FSTL1: variants seen among roughly 807,000 people sequenced by gnomAD.
FSTL1 encodes the protein follistatin-related protein 1.
A neutral mutation model predicts 45.9 loss-of-function variants in FSTL1; 24 were observed. That is an observed-to-expected ratio of 0.52 (90% CI 0.38 to 0.74). The LOEUF is 0.74. FSTL1 is among the 30% of genes least tolerant of loss of function. FSTL1 has a pLI of 0.00. For synonymous variants in FSTL1, 120 were observed against 137.6 expected (o/e 0.87, Z 0.89); for missense variants, 340 against 381.8 (o/e 0.89, Z 0.91).
At chr3:120,423,614 G>A (rs186395475) in intron 2 of FSTL1, 1 of 152,082 alleles carries the variant, frequency 6.6e-6, no homozygotes, top group Non-Finnish European at 1.5e-5. Context: ...ACTTGAGAGA[G>A]GTGCTTCTGT....
chr3:120,399,973 CA>C lies in FSTL1; in HGVS notation c.806-15del. 6.3e-7 allele frequency: 1 copy of C among 1,584,772 alleles called. No homozygotes were observed. The highest frequency in any genetic ancestry group is 1.7e-5 in the Admixed American group (1 of 58,450). On this transcript the variant is annotated splice_polypyrimidine_tract_variant and intron_variant, in intron 9 of 10. Coordinates refer to ENST00000295633, the MANE Select transcript of FSTL1 (RefSeq NM_007085.5). Reference sequence around the variant, plus strand: ...TCTGATTCTTTCCTGCAAGAAGAACCAAAGCTCAGAGCAGTAGCAGCTGTGG... The same window carrying C: ...TCTGATTCTTTCCTGCAAGAAGAACCAAGCTCAGAGCAGTAGCAGCTGTGG...
rs143523335 is a variant in FSTL1 at position 120,429,596 on chromosome 3, C to G, written c.64-13569G>C. ...TCCATAAATTTTGGGACTGGATTTT[C>G]AAGGGGGCATGAATTTTTCAATACT... is the stretch of plus-strand genomic sequence containing the variant. On this transcript the variant is annotated intron_variant, in intron 2 of 10. Transcript: ENST00000295633. Among the ~76,000 whole-genome samples, 617 of 152,262 alleles carry G rather than the reference C, an allele frequency of 4.1e-3. 4 individuals are homozygous for G. The highest frequency in any genetic ancestry group is 0.014 in the African/African-American group (582 of 41,546).
chr3:120,401,078 G>C (rs150818073), intron 9 of FSTL1, among the ~76,000 whole-genome samples: 1 of 152,342 alleles, frequency 6.6e-6, no homozygotes, highest in East Asian at 1.9e-4. Flanking sequence ...CTGCACCTTA[G>C]AAATGGAGGG....
At position 120,394,811 on chromosome 3, in the gene FSTL1, A is replaced by G. The variant is rs1463999263; in HGVS notation, c.*2141T>C. 6.6e-6 allele frequency: 1 copy of G among 152,196 alleles called. No individual in the cohort carries two copies. Among genetic ancestry groups the G allele is most frequent in the Non-Finnish European group, 1.5e-5 (1 of 68,052 alleles). The allele number at this position is 152,196 out of a possible 1,614,324, so 9.4% of individuals were successfully genotyped here. On this transcript the variant is annotated 3_prime_UTR_variant, in exon 11 of 11. Transcript: ENST00000295633. ...CATAGACGACAGCTGCCCTATTTAC[A>G]CAGAAGCTGCAGAACTCAAGAGGAA... is the stretch of plus-strand genomic sequence containing the variant.
intron 2 of FSTL1, among the ~76,000 whole-genome samples, chr3:120,418,500 G>C (rs1206108368): frequency 6.6e-6 from 1 of 152,174 alleles, no homozygotes; most frequent in African/African-American, 2.4e-5. Context: ...AGAGAGCAGA[G>C]GCTTAAATAA....
chr3:120,401,236 T>A (rs567178626), intron 9 of FSTL1, among the ~76,000 whole-genome samples: 1 of 152,204 alleles, frequency 6.6e-6, no homozygotes, highest in East Asian at 1.9e-4. Flanking sequence ...CAGTAGCAAC[T>A]CTGTGTTTGG....
At chr3:120,414,551 C>G (rs1369654160) in intron 3 of FSTL1, among the ~76,000 whole-genome samples, 1 of 150,980 alleles carries the variant, frequency 6.6e-6, no homozygotes. Flanking sequence ...AATAGAAAGG[C>G]GGGAAAGGTG....
intron 2 of FSTL1, among the ~76,000 whole-genome samples, chr3:120,420,002 C>T (rs1424032322): frequency 6.6e-6 from 1 of 152,174 alleles, no homozygotes; most frequent in Non-Finnish European, 1.5e-5. Context: ...ATGGAGGCCA[C>T]ATAACTAGTG....
chr3:120,422,184 T>A (rs746904248), intron 2 of FSTL1, among the ~76,000 whole-genome samples: 7 of 152,142 alleles, frequency 4.6e-5, no homozygotes, highest in Non-Finnish European at 1.0e-4. Context: ...CAACAAATGG[T>A]TTGTATATTA....
At chr3:120,428,118 C>T (rs1215187005) in intron 2 of FSTL1, among the ~76,000 whole-genome samples, 1 of 152,150 alleles carries the variant, frequency 6.6e-6, no homozygotes, top group Non-Finnish European at 1.5e-5. Flanking sequence ...AGCTTCTTGC[C>T]TTGCTCTACC....
At chr3:120,402,984 G>T in intron 8 of FSTL1, 66 bp from the exon 9 acceptor site, 1 of 1,042,120 alleles carries the variant, frequency 9.6e-7, no homozygotes, top group Non-Finnish European at 1.5e-6. Flanking sequence ...CTTTGCTACA[G>T]TCTGTGCACC....
intron 2 of FSTL1, among the ~76,000 whole-genome samples, chr3:120,435,948 T>C (rs1450083071): frequency 6.6e-6 from 1 of 152,078 alleles, no homozygotes; most frequent in Non-Finnish European, 1.5e-5. Flanking sequence ...TATGGGGAAT[T>C]TGGAGGAAAA....
chr3:120,423,865 A>G (rs912425885), intron 2 of FSTL1: 1 of 152,220 alleles, frequency 6.6e-6, no homozygotes, highest in Non-Finnish European at 1.5e-5. Flanking sequence ...GTTTCTTAGG[A>G]AAGTCCAAGT....
Position 120,426,159 on chromosome 3 carries a change from T to TA in FSTL1, c.64-10133dup, listed in dbSNP as rs1159288986. ...CAAGGAAAATGGTTGATCAAAAGTT[T>TA]AAAAAAAAAATTCCCACACACCTAA... On this transcript the variant is annotated intron_variant, in intron 2 of 10. Coordinates refer to ENST00000295633, the MANE Select transcript of FSTL1 (RefSeq NM_007085.5). 1.6e-4 allele frequency among the ~76,000 whole-genome samples: 25 copies of TA among 151,980 alleles called. No homozygotes were observed. The East Asian group carries it at 1.9e-3, about 12-fold the overall frequency.
intron 2 of FSTL1, among the ~76,000 whole-genome samples, chr3:120,436,537 C>A (rs2107669085): frequency 6.6e-6 from 1 of 152,334 alleles, no homozygotes. Flanking sequence ...CCAATTAATG[C>A]ATAAAGTGAA....
chr3:120,437,580 G>A (rs571171224), intron 2 of FSTL1, among the ~76,000 whole-genome samples: 1 of 152,222 alleles, frequency 6.6e-6, no homozygotes, highest in African/African-American at 2.4e-5. Flanking sequence ...GTGTGTGTGT[G>A]TGCATGTCTC....
intron 3 of FSTL1, among the ~76,000 whole-genome samples, chr3:120,412,807 CACACACACATGT>C: frequency 1.5e-5 from 2 of 134,986 alleles, no homozygotes; most frequent in South Asian, 2.6e-4. Flanking sequence ...GGCAGGCAAA[CACACACACATGT>C]GCGCGCGCGC....
At chr3:120,425,694 A>C (rs762419375) in intron 2 of FSTL1, among the ~76,000 whole-genome samples, 19 of 152,220 alleles carry the variant, frequency 1.2e-4, no homozygotes, top group Non-Finnish European at 2.6e-4. Flanking sequence ...CAAGGAAGCT[A>C]ACCTAAATGG....
intron 3 of FSTL1, among the ~76,000 whole-genome samples, chr3:120,415,626 G>C (rs1937174619): frequency 6.6e-6 from 1 of 152,078 alleles, no homozygotes; most frequent in Non-Finnish European, 1.5e-5. Flanking sequence ...GGGATTGAAG[G>C]GTTATGGGGG....
Sources: gnomAD v4.1 joint callset for allele counts (sites outside exome capture counted in the v4.1 genomes callset) on GRCh38, gnomAD v4.1.1 for gene constraint, MANE v1.5 for transcripts, NCBI Gene and HGNC (gene_info 2026-07-23, HGNC 2026-07-21) for gene names.